Variants in AFAP1L2 observed in about 807,000 individuals in gnomAD.
AFAP1L2 encodes actin filament associated protein 1 like 2.
A neutral mutation model predicts 99.3 loss-of-function variants in AFAP1L2; 46 were observed. The observed-to-expected ratio is 0.46, with a 90% confidence interval of 0.37 to 0.59. The LOEUF is 0.59. Among genes scored for constraint, AFAP1L2 ranks in the 20% least tolerant of loss-of-function variants. The pLI is 0.00. For synonymous variants in AFAP1L2, 397 were observed against 419.1 expected (o/e 0.95, Z 0.64); for missense variants, 959 against 1,034.9 (o/e 0.93, Z 1.01).
At chr10:114,363,281 A>G (rs1393510831) in intron 1 of AFAP1L2, 1 of 644,016 alleles carries the variant, frequency 1.6e-6, no homozygotes, top group East Asian at 1.4e-4. Flanking sequence ...CGTAACATGT[A>G]GCCTGCAGAA....
intron 9 of AFAP1L2, 74 bp from the exon 10 acceptor site, chr10:114,307,983 AGC>A: frequency 7.5e-7 from 1 of 1,336,412 alleles, no homozygotes; most frequent in Admixed American, 1.7e-5. Context: ...TGGAAAAAAT[AGC>A]AAACCCATTT....
chr10:114,294,187 A>G (rs1182581751), downstream of AFAP1L2, among the ~76,000 whole-genome samples: 4 of 152,202 alleles, frequency 2.6e-5, no homozygotes, highest in African/African-American at 4.8e-5. Flanking sequence ...TCATTTGCCA[A>G]CATCTTATTT....
chr10:114,310,685 G>A (rs191696988), intron 7 of AFAP1L2, among the ~76,000 whole-genome samples: 6 of 152,304 alleles, frequency 3.9e-5, no homozygotes, highest in African/African-American at 1.2e-4. Context: ...GGTCCCACAC[G>A]TTCATGGGCA....
In AFAP1L2 at chr10:114,340,613, G is replaced by T. The variant is rs772322660; in HGVS notation, c.135C>A (p.Thr45=). 3 of 1,613,940 alleles carry T rather than the reference G, an allele frequency of 1.9e-6. No individual in the cohort carries two copies. The highest frequency in any genetic ancestry group is 1.1e-5 in the South Asian group (1 of 91,054). ...SCLAELLRLY[T]KSSSSDEEYI... ...AGGGCCCACACTCACTGCTGCTTTT[G>T]GTGTAAAGCCGGAGGAGCTCCGCCA... The change falls in exon 2 of 19, where the codon ACC becomes ACA. Residue 45 remains threonine, a synonymous_variant. Transcript: ENST00000304129.
chr10:114,291,793 G>A (rs186758666), downstream of AFAP1L2, among the ~76,000 whole-genome samples: 8 of 152,348 alleles, frequency 5.3e-5, no homozygotes, highest in East Asian at 7.7e-4. Flanking sequence ...CTTGAGGGAC[G>A]TTTGTGACTT....
intron 4 of AFAP1L2, among the ~76,000 whole-genome samples, chr10:114,325,268 G>C (rs1485638316): frequency 6.6e-6 from 1 of 152,240 alleles, no homozygotes; most frequent in African/African-American, 2.4e-5. Context: ...TTAAATACAA[G>C]GAGGCCATTG....
intron 1 of AFAP1L2, among the ~76,000 whole-genome samples, chr10:114,356,243 T>A (rs2051361745): frequency 6.6e-6 from 1 of 152,196 alleles, no homozygotes; most frequent in African/African-American, 2.4e-5. Context: ...ACATTAATAT[T>A]TCTATAATAA....
the AFAP1L2 span, chr10:114,282,714 G>A: frequency 1.4e-6 from 1 of 692,356 alleles, no homozygotes; most frequent in Non-Finnish European, 2.6e-6. Flanking sequence ...GGGGGGCAGA[G>A]GAGAGTGTGC....
rs200907569 is a variant in AFAP1L2 at position 114,368,963 on chromosome 10, GA to G, written c.17-28233del. Among the ~76,000 whole-genome samples the G allele has an allele frequency of 7.6e-3, 1,155 of 152,092 alleles. 2 individuals carry two copies. Among genetic ancestry groups the G allele is most frequent in the South Asian group, 0.023 (108 of 4,790 alleles). ...ATTATGTCTCAATAAAGCTAGGGGG[GA>G]AAAGATTGCACCTGCCCTCAAGGAG... On this transcript the variant is annotated intron_variant, in intron 1 of 18. Coordinates refer to ENST00000304129, the MANE Select transcript of AFAP1L2 (RefSeq NM_001001936.3).
intron 2 of AFAP1L2, among the ~76,000 whole-genome samples, chr10:114,338,772 C>A (rs1003200883): frequency 6.6e-6 from 1 of 152,184 alleles, no homozygotes; most frequent in Non-Finnish European, 1.5e-5. Flanking sequence ...CAAGACAGAA[C>A]TTTCTGGAGG....
chr10:114,355,251 T>G (rs2051161044), intron 1 of AFAP1L2, among the ~76,000 whole-genome samples: 1 of 122,314 alleles, frequency 8.2e-6, no homozygotes, highest in African/African-American at 3.5e-5. Flanking sequence ...CTCTTCTCGC[T>G]CTCTCTTTTT....
At chr10:114,350,259 C>T (rs1424768518) in intron 1 of AFAP1L2, among the ~76,000 whole-genome samples, 1 of 152,190 alleles carries the variant, frequency 6.6e-6, no homozygotes, top group Non-Finnish European at 1.5e-5. Context: ...TCTGGAACTG[C>T]CCAGAAGCAC....
intron 1 of AFAP1L2, 194 bp from the exon 2 acceptor site, chr10:114,340,925 G>A (rs1297059888): frequency 4.3e-6 from 3 of 691,836 alleles, no homozygotes; most frequent in Non-Finnish European, 7.3e-6. Context: ...CACAGGGAGA[G>A]AGAAACAGGC....
chr10:114,341,128 G>A (rs914718112), intron 1 of AFAP1L2, among the ~76,000 whole-genome samples: 2 of 152,254 alleles, frequency 1.3e-5, no homozygotes, highest in Non-Finnish European at 2.9e-5. Context: ...TCTTAGAGCT[G>A]TGGCTAGAAT....
chr10:114,370,649 G>A (rs943076695), intron 1 of AFAP1L2, among the ~76,000 whole-genome samples: 1 of 152,178 alleles, frequency 6.6e-6, no homozygotes, highest in African/African-American at 2.4e-5. Flanking sequence ...GGGGCCCAGA[G>A]GATAAACTGT....
intron 1 of AFAP1L2, among the ~76,000 whole-genome samples, chr10:114,349,735 C>G (rs2050173863): frequency 6.9e-6 from 1 of 144,274 alleles, no homozygotes; most frequent in Non-Finnish European, 1.5e-5. Flanking sequence ...GTAAACTGAG[C>G]CAAATGTAAA....
At chr10:114,395,107 G>T (rs890575588) in intron 1 of AFAP1L2, among the ~76,000 whole-genome samples, 6 of 152,152 alleles carry the variant, frequency 3.9e-5, no homozygotes, top group Non-Finnish European at 8.8e-5. Flanking sequence ...CAAGCAGTAG[G>T]TGCCACTTCA....
chr10:114,376,447 C>T (rs912352921), intron 1 of AFAP1L2, among the ~76,000 whole-genome samples: 1 of 152,202 alleles, frequency 6.6e-6, no homozygotes, highest in Admixed American at 6.5e-5. Context: ...AAAGTAGCAT[C>T]TGACTAGCAT....
chr10:114,310,322 G>A lies in AFAP1L2; in HGVS notation c.882+32C>T, dbSNP rs1442103530. 5.1e-6 allele frequency: 8 copies of A among 1,577,812 alleles called. No homozygotes were observed. In the East Asian group the frequency reaches 9.0e-5, roughly 18 times the overall value. On this transcript the variant is annotated intron_variant, in intron 8 of 18. Coordinates refer to ENST00000304129, the MANE Select transcript of AFAP1L2 (RefSeq NM_001001936.3). ...ATTTTTACAGAGAAAACATGGAAGG[G>A]GACTCTCCCTCCAGGCAGGGCAGAG...
Sources: allele counts gnomAD v4.1 joint callset (sites outside exome capture counted in the v4.1 genomes callset), GRCh38; gene constraint gnomAD v4.1.1; transcripts MANE v1.5; gene names NCBI Gene and HGNC (gene_info 2026-07-23, HGNC 2026-07-21).